Variants in AIMP1 observed in about 807,000 individuals in gnomAD.
AIMP1 encodes aminoacyl tRNA synthetase complex interacting multifunctional protein 1, also known as aminoacyl tRNA synthase complex-interacting multifunctional protein 1.
AIMP1 carries 24 observed loss-of-function variants against 33.1 expected under a neutral mutation model. The observed-to-expected ratio is 0.73, with a 90% CI of 0.53 to 1.02. The LOEUF (loss-of-function observed/expected upper bound fraction) is 1.02. Among genes scored for constraint, AIMP1 ranks in the 50% least tolerant of loss-of-function variants. The pLI is 0.00. For synonymous variants in AIMP1, 120 were observed against 121.5 expected (o/e 0.99, Z 0.08); for missense variants, 367 against 364.8 (o/e 1.01, Z -0.05).
chr4:106,320,894 G>A (rs905792545), intron 1 of AIMP1, among the ~76,000 whole-genome samples: 3 of 152,042 alleles, frequency 2.0e-5, no homozygotes, highest in Admixed American at 6.5e-5. Context: ...TTGCAGGTGC[G>A]CGCCGCCACT....
chr4:106,347,556 A>AG lies in AIMP1; in HGVS notation c.804dup (p.Lys269GlufsTer9), dbSNP rs1291741726. 2 of 1,613,294 alleles carry AG rather than the reference A, an allele frequency of 1.2e-6. No homozygotes were observed. Among genetic ancestry groups the AG allele is most frequent in the African/African-American group, 2.7e-5 (2 of 74,978 alleles). On this transcript the variant is annotated frameshift_variant, in exon 7 of 7. Coordinates refer to ENST00000672341, the MANE Select transcript of AIMP1 (RefSeq NM_001142416.2). LOFTEE classifies it high-confidence loss of function. ...CCTGACAAGGAGCTGAATCCTAAGAAGAAGATTTGGGAGCAGATCCAGCCT... is the reference window on the plus strand; with the variant it reads ...CCTGACAAGGAGCTGAATCCTAAGAAGGAAGATTTGGGAGCAGATCCAGCCT...
intron 6 of AIMP1, among the ~76,000 whole-genome samples, chr4:106,344,142 G>T (rs887007128): frequency 5.3e-5 from 8 of 152,042 alleles, no homozygotes; most frequent in African/African-American, 1.9e-4. Context: ...GGCTGCCCCT[G>T]TCATTTCCTT....
At chr4:106,344,531 C>G (rs1770221632) in intron 6 of AIMP1, among the ~76,000 whole-genome samples, 1 of 152,194 alleles carries the variant, frequency 6.6e-6, no homozygotes, top group Admixed American at 6.5e-5. Flanking sequence ...GCCAACATCT[C>G]TTTTCTGCAT....
chr4:106,327,367 T>A, intron 2 of AIMP1, 84 bp from the exon 3 acceptor site: 2 of 997,340 alleles, frequency 2.0e-6, no homozygotes, highest in Non-Finnish European at 1.6e-6. Context: ...CTAGCTGTAG[T>A]TATACTGGCT....
At position 106,331,749 on chromosome 4, in the gene AIMP1, C is replaced by A. The variant is rs145221722; in HGVS notation, c.469C>A (p.Leu157Ile). The A allele has an allele frequency of 1.9e-6, 3 of 1,614,106 alleles. No individual in the cohort carries two copies. The highest frequency in any genetic ancestry group is 1.3e-5 in the African/African-American group (1 of 75,030). Residue 157 changes from leucine to isoleucine, a missense_variant, in exon 5 of 7, where the codon CTT (leucine) becomes ATT (isoleucine). Coordinates refer to ENST00000672341, the MANE Select transcript of AIMP1 (RefSeq NM_001142416.2). ...GCCAATAGATGTTTCCCGTCTGGAT[C>A]TTCGAATTGGTTGCATCATAACTGC... ...SKPIDVSRLDLRIGCIITARK... is the reference protein window; with the variant it reads ...SKPIDVSRLDIRIGCIITARK...
intron 1 of AIMP1, among the ~76,000 whole-genome samples, chr4:106,322,983 C>CAAA (rs201904801): frequency 2.1e-5 from 2 of 95,864 alleles, no homozygotes; most frequent in African/African-American, 7.6e-5. Context: ...GACTCTGTCT[C>CAAA]AAAAAAAAAA....
chr4:106,324,984 G>A lies in AIMP1; in HGVS notation c.-25-1G>A, dbSNP rs750265309. 46 of 1,594,396 alleles carry A rather than the reference G, an allele frequency of 2.9e-5. No individual in the cohort carries two copies. Among genetic ancestry groups the A allele is most frequent in the Non-Finnish European group, 3.8e-5 (45 of 1,171,416 alleles). On this transcript the variant is annotated splice_acceptor_variant, in intron 1 of 6. Coordinates refer to ENST00000672341, the MANE Select transcript of AIMP1 (RefSeq NM_001142416.2). LOFTEE classifies it low-confidence loss of function (5UTR_SPLICE). ...ATTTATCACTTTTATTTTTCCTATA[G>A]GATTTTCTGCCGTCTCTTGGCAAAA...
intron 1 of AIMP1, among the ~76,000 whole-genome samples, chr4:106,322,902 T>G (rs1399404760): frequency 6.6e-6 from 1 of 151,652 alleles, no homozygotes; most frequent in Non-Finnish European, 1.5e-5. Flanking sequence ...GAGAATCGCT[T>G]GAACCCAGGA....
chr4:106,344,309 T>G (rs1770212049), intron 6 of AIMP1, among the ~76,000 whole-genome samples: 1 of 152,158 alleles, frequency 6.6e-6, no homozygotes, highest in Admixed American at 6.5e-5. Context: ...ATGTACATGT[T>G]CCAAGGGGGA....
Position 106,347,904 on chromosome 4 carries a change from A to G in AIMP1, c.*212A>G, listed in dbSNP as rs1185101462. ...TTGATCATTTATAATGGAGAGAGGA[A>G]GTTGCCTATGTTTTGTAATAATTTA... On this transcript the variant is annotated 3_prime_UTR_variant, in exon 7 of 7. Transcript: ENST00000672341. 3 of 423,142 alleles carry G rather than the reference A, an allele frequency of 7.1e-6. No individual in the cohort carries two copies. The highest frequency in any genetic ancestry group is 1.2e-5 in the Non-Finnish European group (3 of 241,212). 26.2% of individuals were successfully genotyped at this position (423,142 alleles called of 1,614,324 possible).
At chr4:106,337,508 C>T (rs1480414972) in intron 6 of AIMP1, among the ~76,000 whole-genome samples, 2 of 152,176 alleles carry the variant, frequency 1.3e-5, no homozygotes, top group Non-Finnish European at 2.9e-5. Context: ...TTGTCTTCTG[C>T]CATGATCGTG....
chr4:106,332,807 A>T (rs1453145776), intron 5 of AIMP1, among the ~76,000 whole-genome samples: 1 of 151,938 alleles, frequency 6.6e-6, no homozygotes, highest in African/African-American at 2.4e-5. Flanking sequence ...TTAGTCATGA[A>T]ACTTCTAACT....
intron 1 of AIMP1, among the ~76,000 whole-genome samples, chr4:106,322,751 G>T (rs1006179693): frequency 6.6e-6 from 1 of 152,152 alleles, no homozygotes; most frequent in Non-Finnish European, 1.5e-5. Flanking sequence ...TTGGGAAGCC[G>T]AGGTGGGCAG....
intron 5 of AIMP1, among the ~76,000 whole-genome samples, chr4:106,334,245 T>C (rs2125925111): frequency 6.6e-6 from 1 of 151,948 alleles, no homozygotes; most frequent in African/African-American, 2.4e-5. Context: ...AGCAACAAAT[T>C]AAAATACAGA....
upstream of AIMP1, chr4:106,316,470 T>C: frequency 7.1e-7 from 1 of 1,416,724 alleles, no homozygotes; most frequent in Non-Finnish European, 9.8e-7. Flanking sequence ...GTTGAATCTG[T>C]AGAACACTCA....
chr4:106,324,669 G>T (rs991585214), intron 1 of AIMP1, among the ~76,000 whole-genome samples: 1 of 151,924 alleles, frequency 6.6e-6, no homozygotes, highest in Admixed American at 6.6e-5. Flanking sequence ...GCATAGTTAC[G>T]GTTATTGTTA....
chr4:106,344,219 C>G (rs1408425161), intron 6 of AIMP1, among the ~76,000 whole-genome samples: 1 of 152,068 alleles, frequency 6.6e-6, no homozygotes, highest in East Asian at 1.9e-4. Context: ...ATTTGGACCT[C>G]TTTTTTTTCC....
intron 5 of AIMP1, among the ~76,000 whole-genome samples, chr4:106,335,151 G>T (rs979388360): frequency 6.6e-6 from 1 of 152,150 alleles, no homozygotes; most frequent in Non-Finnish European, 1.5e-5. Context: ...TAGGAAAAAA[G>T]AAGTAGACTT....
intron 1 of AIMP1, among the ~76,000 whole-genome samples, chr4:106,324,491 T>C (rs1179900881): frequency 6.6e-6 from 1 of 152,078 alleles, no homozygotes; most frequent in Non-Finnish European, 1.5e-5. Flanking sequence ...TGATTAATAT[T>C]TTCTTAATTG....
Sources: allele counts gnomAD v4.1 joint callset (sites outside exome capture counted in the v4.1 genomes callset), GRCh38; gene constraint gnomAD v4.1.1; transcripts MANE v1.5; gene names NCBI Gene and HGNC (gene_info 2026-07-23, HGNC 2026-07-21).